The following ZNF823 variants were observed in gnomAD, a reference collection of about 807,000 sequenced individuals.
ZNF823 encodes the protein ZFP 36 for a zinc finger protein.
ZNF823 carries 5 observed loss-of-function variants against 11.4 expected under a neutral mutation model. The observed-to-expected ratio is 0.44, with a 90% CI of 0.23 to 0.92. The LOEUF (loss-of-function observed/expected upper bound fraction) is 0.92, where lower values mean the gene tolerates loss of function less well. Among genes scored for constraint, ZNF823 ranks in the 40% least tolerant of loss-of-function variants. The pLI is 0.24. For synonymous variants in ZNF823, 234 were observed against 250.5 expected, an observed-to-expected ratio of 0.93 and a Z score of 0.62; for missense variants, 582 against 738.5, an observed-to-expected ratio of 0.79 and a Z score of 2.46.
At chr19:11,737,119 G>T (rs948330921) in intron 1 of ZNF823, among the ~76,000 whole-genome samples, 5 of 152,244 alleles carry the variant, frequency 3.3e-5, no homozygotes, top group Admixed American at 6.5e-5. Flanking sequence ...GCCCCAAACA[G>T]TTCTGTAACC....
At position 11,738,900 on chromosome 19, in the gene ZNF823, C is replaced by G. The variant is rs941847244; in HGVS notation, c.-81G>C. 3 of 1,527,516 alleles carry G rather than the reference C, an allele frequency of 2.0e-6. No homozygotes were observed. In the East Asian group the frequency reaches 7.3e-5, roughly 37 times the overall value. 94.6% of individuals were successfully genotyped at this position (1,527,516 alleles called of 1,614,324 possible). On this transcript the variant is annotated 5_prime_UTR_variant, in exon 1 of 4. Transcript: ENST00000341191. Reference sequence around the variant, plus strand: ...GCGACAGACGCTGATACAGACCTTCCAGGGCGTCTCTCTCTCAGCGCCAGA... The same window carrying G: ...GCGACAGACGCTGATACAGACCTTCGAGGGCGTCTCTCTCTCAGCGCCAGA...
At chr19:11,731,315 C>G (rs1217468254) in intron 1 of ZNF823, among the ~76,000 whole-genome samples, 1 of 151,062 alleles carries the variant, frequency 6.6e-6, no homozygotes, top group Non-Finnish European at 1.5e-5. Context: ...AACTCCATCT[C>G]AAAAAAACAA....
chr19:11,727,269 G>A lies in ZNF823; in HGVS notation c.4-1942C>T, dbSNP rs535456504. On this transcript the variant is annotated intron_variant, in intron 1 of 3. Coordinates refer to ENST00000341191, the MANE Select transcript of ZNF823 (RefSeq NM_001080493.4). ...CTCACGACTGTAATCCCAGCACTTC[G>A]GGAGGCCTAGGGGGGCGGATCAAAA... 5.3e-5 allele frequency among the ~76,000 whole-genome samples: 8 copies of A among 152,172 alleles called. No homozygotes were observed. In the South Asian group the frequency reaches 1.5e-3, roughly 28 times the overall value.
At chr19:11,729,100 G>T (rs140022784) in intron 1 of ZNF823, among the ~76,000 whole-genome samples, 1 of 151,770 alleles carries the variant, frequency 6.6e-6, no homozygotes, top group African/African-American at 2.4e-5. Flanking sequence ...ACTTGAACCC[G>T]GGAGGCGGAG....
In ZNF823 at chr19:11,725,343, T is replaced by C. The variant is rs555813082; in HGVS notation, c.4-16A>G. On this transcript the variant is annotated splice_polypyrimidine_tract_variant and intron_variant, in intron 1 of 3. Transcript: ENST00000341191. ...CCACTGAGTCCTGAAACATCCCACA[T>C]GTGCAGAGGAGGAAGGTTGAGATGG... 6 of 1,612,808 alleles carry C rather than the reference T, an allele frequency of 3.7e-6. No homozygotes were observed. Among genetic ancestry groups the C allele is most frequent in the Non-Finnish European group, 5.1e-6 (6 of 1,179,388 alleles).
rs117644723 is a variant in ZNF823 at position 11,723,076 on chromosome 19, G to A, written c.458C>T (p.Thr153Ile). The change falls in exon 4 of 4, where the codon ACA (threonine) becomes ATA (isoleucine). Residue 153 changes from threonine to isoleucine, a missense_variant. Coordinates refer to ENST00000341191, the MANE Select transcript of ZNF823 (RefSeq NM_001080493.4). ...KAISHQHSFQTHERPPTGKKP... is the reference protein window; with the variant it reads ...KAISHQHSFQIHERPPTGKKP... ...CTTTCCGGTGGGGGGCCTTTCATGT[G>A]TCTGGAAGGAGTGCTGATGACTGAT... The A allele has an allele frequency of 6.2e-7, 1 of 1,614,106 alleles. No homozygotes were observed. Among genetic ancestry groups the A allele is most frequent in the Non-Finnish European group, 8.5e-7 (1 of 1,180,018 alleles).
chr19:11,738,713 C>G (rs1374927675), intron 1 of ZNF823, 104 bp downstream of exon 1: 3 of 1,423,592 alleles, frequency 2.1e-6, no homozygotes, highest in Non-Finnish European at 1.9e-6. Context: ...GATTTGCAGA[C>G]CCCGGAGTCG....
At chr19:11,723,454 C>T in intron 3 of ZNF823, 112 bp from the exon 4 acceptor site, 1 of 962,152 alleles carries the variant, frequency 1.0e-6, no homozygotes, top group Non-Finnish European at 1.5e-6. Context: ...AGGCTTCATC[C>T]CCTGTTTGAA....
intron 3 of ZNF823, among the ~76,000 whole-genome samples, chr19:11,723,906 T>C (rs9749384): frequency 0.46 from 69,202 of 151,828 alleles, 15,801 homozygotes; most frequent in African/African-American, 0.49. Context: ...AATAGCTATG[T>C]CACATTTAAC....
chr19:11,722,542 G>T lies in ZNF823; in HGVS notation c.992C>A (p.Pro331Gln). The T allele has an allele frequency of 1.2e-6, 2 of 1,614,158 alleles. No homozygotes were observed. The highest frequency in any genetic ancestry group is 2.2e-5 in the South Asian group (2 of 91,080). Residue 331 changes from proline (P) to glutamine (Q), a missense_variant, in exon 4 of 4, where the codon CCA becomes CAA. Pro to Gln is a moderately conservative substitution (Grantham distance 76, BLOSUM62 -1). This residue lies in a region of ZNF823 where 429 missense variants were observed against 553.7 expected (regional missense o/e 0.77). Coordinates refer to ENST00000341191, the MANE Select transcript of ZNF823 (RefSeq NM_001080493.4). This position sits in a 1 kb window ranked among gnomAD's most constrained non-coding sequence, Gnocchi z 5.2. ...RHMIRHTGDG[P>Q]HKCKICGKGF... ...TTTCCCACATATCTTACATTTATGTGGTCCGTCTCCAGTGTGCCTTATCAT... is the reference window on the plus strand; with the variant it reads ...TTTCCCACATATCTTACATTTATGTTGTCCGTCTCCAGTGTGCCTTATCAT...
chr19:11,735,681 G>A (rs1974980689), intron 1 of ZNF823, among the ~76,000 whole-genome samples: 1 of 151,944 alleles, frequency 6.6e-6, no homozygotes. Flanking sequence ...AGTCGCCTCA[G>A]GCTTCTCCAC....
chr19:11,723,935 A>AT lies in ZNF823; in HGVS notation c.191+258dup, dbSNP rs994554485. The stretch of plus-strand genomic sequence containing the variant: ...ATTTAACTATATGTTCCTCGGGAAA[A>AT]TTTTTTTTTATAGAGATGGGGATCT... On this transcript the variant is annotated intron_variant, in intron 3 of 3. Transcript: ENST00000341191. Among the ~76,000 whole-genome samples the AT allele has an allele frequency of 4.6e-5, 7 of 151,106 alleles. No individual in the cohort carries two copies. In the South Asian group the frequency reaches 8.4e-4, roughly 18 times the overall value.
intron 1 of ZNF823, chr19:11,730,859 G>C (rs1001366442): frequency 9.9e-5 from 15 of 151,912 alleles, no homozygotes; most frequent in African/African-American, 3.4e-4. Flanking sequence ...AGCATTTGGG[G>C]ACAAAAACAA....
rs766360043 is a variant in ZNF823, at chr19:11,737,560, CTTTTT to C, written c.3+1252_3+1256del. On this transcript the variant is annotated intron_variant, in intron 1 of 3. Coordinates refer to ENST00000341191, the MANE Select transcript of ZNF823 (RefSeq NM_001080493.4). The stretch of plus-strand genomic sequence containing the variant: ...TACAGGCGTGAGCCACCGCGCCCGG[CTTTTT>C]TTTTTTTTTTTTTTTTTTCACACTG... 1.0e-3 allele frequency among the ~76,000 whole-genome samples: 110 copies of C among 110,486 alleles called. 1 individual carries two copies. The highest frequency in any genetic ancestry group is 1.9e-3 in the Admixed American group (19 of 10,152). The allele number at this position is 110,486 out of a possible 152,430, so 72.5% of individuals were successfully genotyped here.
At chr19:11,735,251 G>A (rs1378359791) in intron 1 of ZNF823, among the ~76,000 whole-genome samples, 2 of 145,414 alleles carry the variant, frequency 1.4e-5, no homozygotes, top group East Asian at 4.0e-4. Context: ...CTCCAGCCTG[G>A]GCAACAGAGC....
chr19:11,725,213 G>A lies in ZNF823; in HGVS notation c.118C>T (p.Leu40=), dbSNP rs765682476. The A allele has an allele frequency of 5.1e-5, 83 of 1,613,692 alleles. No individual in the cohort carries two copies. Among genetic ancestry groups the A allele is most frequent in the Non-Finnish European group, 6.4e-5 (75 of 1,179,822 alleles). The part of the protein sequence containing the change: ...RNVMQETIRN[L]DCIEMKWEDQ... ...ATGTCATCCTTACCTATACAGTCCA[G>A]GTTCCTAATGGTTTCCTGCATGACA... The change falls in exon 2 of 4, where the codon CTG becomes TTG. Residue 40 remains leucine, a synonymous_variant. Coordinates refer to ENST00000341191, the MANE Select transcript of ZNF823 (RefSeq NM_001080493.4).
chr19:11,738,731 C>A, intron 1 of ZNF823, 86 bp downstream of exon 1: 2 of 1,480,172 alleles, frequency 1.4e-6, no homozygotes, highest in South Asian at 1.4e-5. Flanking sequence ...TCGCCCAGGG[C>A]GAGGCCCGGG....
rs1974672612 is a variant in ZNF823 at position 11,721,286 on chromosome 19, A to T, written c.*415T>A. The T allele has an allele frequency of 6.3e-6, 1 of 158,118 alleles. No homozygotes were observed. The highest frequency in any genetic ancestry group is 6.2e-5 in the Admixed American group (1 of 16,128). The allele number at this position is 158,118 out of a possible 1,614,324, so 9.8% of individuals were successfully genotyped here. A position where few individuals can be genotyped will look rare whatever the true frequency, so the allele number is the denominator to read the frequency against. ...TCTGTGAATGTTAAAACAAATTTTAATGTTCTGGGTGACATATACCACGTA... is the reference window on the plus strand; with the variant it reads ...TCTGTGAATGTTAAAACAAATTTTATTGTTCTGGGTGACATATACCACGTA... On this transcript the variant is annotated 3_prime_UTR_variant, in exon 4 of 4. Transcript: ENST00000341191.
intron 1 of ZNF823, among the ~76,000 whole-genome samples, chr19:11,729,192 C>G (rs10424811): frequency 2.1e-4 from 31 of 148,074 alleles, no homozygotes; most frequent in African/African-American, 7.4e-4. Context: ...AAAAAAACAA[C>G]AAATAAAACA....
Sources: gnomAD v4.1 joint callset for allele counts (sites outside exome capture counted in the v4.1 genomes callset) on GRCh38, gnomAD v4.1.1 for gene constraint, gnomAD v4.1.1 regional missense constraint, Gnocchi (gnomAD v3.1) non-coding constraint, MANE v1.5 for transcripts, NCBI Gene and HGNC (gene_info 2026-07-23, HGNC 2026-07-21) for gene names.